The following PDLIM5 variants were observed in gnomAD, a reference collection of about 807,000 sequenced individuals.
The protein encoded by PDLIM5 is PDZ and LIM domain 5, also known as PDZ and LIM domain protein 5.
A neutral mutation model predicts 64.2 loss-of-function variants in PDLIM5; 34 were observed. The observed-to-expected ratio is 0.53, with a 90% confidence interval of 0.40 to 0.71. The LOEUF (loss-of-function observed/expected upper bound fraction) is 0.71, where lower values mean the gene tolerates loss of function less well. Among genes scored for constraint, PDLIM5 ranks in the 30% least tolerant of loss-of-function variants. The probability of loss-of-function intolerance (pLI) is 0.00; values close to 1 mark genes in which losing one functional copy is unlikely to be tolerated. For synonymous variants in PDLIM5, 253 were observed against 269.1 expected (o/e 0.94, Z 0.59); for missense variants, 683 against 733.6 (o/e 0.93, Z 0.80).
intron 8 of PDLIM5, among the ~76,000 whole-genome samples, chr4:94,623,275 A>G (rs1215514603): frequency 1.3e-5 from 2 of 152,184 alleles, no homozygotes; most frequent in Non-Finnish European, 2.9e-5. Flanking sequence ...GCTTCATTTT[A>G]TAACACTGTT....
intron 5 of PDLIM5, among the ~76,000 whole-genome samples, chr4:94,581,534 A>G (rs1338964627): frequency 6.6e-6 from 1 of 152,160 alleles, no homozygotes; most frequent in East Asian, 1.9e-4. Context: ...CAAGCAAACT[A>G]TTGAGATCAA....
chr4:94,580,180 T>A (rs1735616669), intron 5 of PDLIM5, among the ~76,000 whole-genome samples: 1 of 152,156 alleles, frequency 6.6e-6, no homozygotes, highest in Non-Finnish European at 1.5e-5. Context: ...TGGCTCACGA[T>A]TACTAGCTTT....
At chr4:94,584,209 G>C (rs1192387653) in intron 5 of PDLIM5, among the ~76,000 whole-genome samples, 1 of 152,302 alleles carries the variant, frequency 6.6e-6, no homozygotes, top group South Asian at 2.1e-4. Flanking sequence ...TCTTGTGCCA[G>C]TAGTCTGCTA....
chr4:94,654,343 A>T (rs981556454), intron 9 of PDLIM5, 117 bp from the exon 10 acceptor site: 4 of 710,990 alleles, frequency 5.6e-6, no homozygotes, highest in Non-Finnish European at 1.0e-5. Flanking sequence ...TCAGTCCTTA[A>T]GAAGGAAAAT....
chr4:94,557,956 G>A (rs918630871), intron 3 of PDLIM5, among the ~76,000 whole-genome samples: 3 of 152,138 alleles, frequency 2.0e-5, no homozygotes, highest in African/African-American at 7.2e-5. Context: ...GAATAGGAGT[G>A]GTGAAAGGGG....
chr4:94,601,754 A>G (rs1737520265), intron 7 of PDLIM5, among the ~76,000 whole-genome samples: 1 of 152,194 alleles, frequency 6.6e-6, no homozygotes, highest in South Asian at 2.1e-4. Context: ...GGCTCAAGTA[A>G]CATTTTCAGG....
chr4:94,618,022 T>C lies in PDLIM5; in HGVS notation c.939T>C (p.Ser313=), dbSNP rs1457183476. ...TKKANNSQEP[S]PQLASSVAST... The stretch of plus-strand genomic sequence containing the variant: ...TTTACAGTAACTCTCAGGAGCCTTC[T>C]CCGCAGTTGGCTTCCTCGGTAGCTT... Residue 313 remains serine, a synonymous_variant, in exon 8 of 13, where the codon TCT becomes TCC. Coordinates refer to ENST00000317968, the MANE Select transcript of PDLIM5 (RefSeq NM_006457.5). 1 of 1,577,664 alleles carries C rather than the reference T, an allele frequency of 6.3e-7. No homozygotes were observed. The highest frequency in any genetic ancestry group is 1.8e-5 in the Admixed American group (1 of 54,228).
intron 12 of PDLIM5, 97 bp from the exon 13 acceptor site, chr4:94,663,881 T>A: frequency 7.8e-7 from 1 of 1,279,412 alleles, no homozygotes. Flanking sequence ...TATTATCCAT[T>A]GGGGGGAAAA....
At chr4:94,498,943 T>C (rs1484673124) in intron 2 of PDLIM5, among the ~76,000 whole-genome samples, 2 of 152,234 alleles carry the variant, frequency 1.3e-5, no homozygotes, top group African/African-American at 4.8e-5. Context: ...ACAATAGGTA[T>C]AAAAGCTGTT....
intron 7 of PDLIM5, among the ~76,000 whole-genome samples, chr4:94,607,228 G>A (rs1248796568): frequency 6.6e-6 from 1 of 150,974 alleles, no homozygotes; most frequent in African/African-American, 2.4e-5. Context: ...GAAAATCAGT[G>A]TAACATGACT....
chr4:94,479,263 A>G (rs1220039961), intron 2 of PDLIM5, among the ~76,000 whole-genome samples: 2 of 142,764 alleles, frequency 1.4e-5, no homozygotes, highest in African/African-American at 5.2e-5. Context: ...TTCTTGCTCT[A>G]TTTATTTCCT....
At chr4:94,561,379 C>T (rs1733830768) in intron 3 of PDLIM5, among the ~76,000 whole-genome samples, 1 of 152,100 alleles carries the variant, frequency 6.6e-6, no homozygotes, top group South Asian at 2.1e-4. Flanking sequence ...AACTCACCAT[C>T]AGTATTCAGC....
rs146247056 is a variant in PDLIM5 at position 94,604,559 on chromosome 4, G to A, written c.921-13445G>A. ...TGAGGCAGGAGAATCGTTTGAACCAGGGAGGTGGAGGTTGCAGTGAGCCGG... is the reference window on the plus strand; with the variant it reads ...TGAGGCAGGAGAATCGTTTGAACCAAGGAGGTGGAGGTTGCAGTGAGCCGG... On this transcript the variant is annotated intron_variant, in intron 7 of 12. Coordinates refer to ENST00000317968, the MANE Select transcript of PDLIM5 (RefSeq NM_006457.5). Among the ~76,000 whole-genome samples, 1,106 of 152,294 alleles carry A rather than the reference G, an allele frequency of 7.3e-3. 16 individuals are homozygous for A. The highest frequency in any genetic ancestry group is 0.025 in the African/African-American group (1,032 of 41,566).
rs192051742 is a variant in PDLIM5 at position 94,637,472 on chromosome 4, T to G, written c.1109-2804T>G. The stretch of plus-strand genomic sequence containing the variant: ...TACTTGGGAGGCTGAGGCAGGAGAA[T>G]CATTTGAACCCTGGAGGTGGAGGTT... On this transcript the variant is annotated intron_variant, in intron 8 of 12. Coordinates refer to ENST00000317968, the MANE Select transcript of PDLIM5 (RefSeq NM_006457.5). Among the ~76,000 whole-genome samples, 815 of 152,218 alleles carry G rather than the reference T, an allele frequency of 5.4e-3. 7 individuals carry two copies. The highest frequency in any genetic ancestry group is 0.018 in the African/African-American group (768 of 41,552).
At chr4:94,552,892 C>T (rs1732935744) in intron 3 of PDLIM5, among the ~76,000 whole-genome samples, 4 of 151,976 alleles carry the variant, frequency 2.6e-5, no homozygotes, top group Admixed American at 2.6e-4. Flanking sequence ...CTAGAAGGGG[C>T]AGGGCAAGAT....
intron 3 of PDLIM5, among the ~76,000 whole-genome samples, chr4:94,566,894 C>T (rs1734370124): frequency 6.6e-6 from 1 of 152,214 alleles, no homozygotes; most frequent in Non-Finnish European, 1.5e-5. Flanking sequence ...ATTTTATATA[C>T]ATTGTTTAAA....
intron 2 of PDLIM5, among the ~76,000 whole-genome samples, chr4:94,473,089 C>T (rs1041524416): frequency 6.6e-6 from 1 of 152,004 alleles, no homozygotes; most frequent in Non-Finnish European, 1.5e-5. Context: ...AATAAGACCT[C>T]ACAGATAAGG....
intron 3 of PDLIM5, among the ~76,000 whole-genome samples, chr4:94,564,109 G>A (rs545755827): frequency 5.9e-5 from 9 of 151,612 alleles, no homozygotes; most frequent in African/African-American, 1.5e-4. Flanking sequence ...GACTACAGGC[G>A]TGCGCCACCA....
At chr4:94,555,221 T>C (rs921419899) in intron 3 of PDLIM5, among the ~76,000 whole-genome samples, 3 of 107,658 alleles carry the variant, frequency 2.8e-5, no homozygotes, top group Non-Finnish European at 3.8e-5. Context: ...GCCTGGCTAA[T>C]TTTTATATTT....
Sources: gnomAD v4.1 joint callset for allele counts (sites outside exome capture counted in the v4.1 genomes callset) on GRCh38, gnomAD v4.1.1 for gene constraint, MANE v1.5 for transcripts, NCBI Gene and HGNC (gene_info 2026-07-23, HGNC 2026-07-21) for gene names.